Variants in ESRRG observed in about 807,000 individuals in gnomAD.
The protein encoded by ESRRG is estrogen related receptor gamma.
Under a neutral mutation model 44.0 loss-of-function variants are expected in ESRRG, and 13 were observed. The ratio of observed to expected loss-of-function variants is 0.30; its 90% CI spans 0.19 to 0.47. ESRRG has a LOEUF of 0.47. Among genes scored for constraint, ESRRG ranks in the 20% least tolerant of loss-of-function variants. The pLI is 1.00. For missense variants in ESRRG, 395 were observed against 580.6 expected (o/e 0.68, Z 3.29); for synonymous variants, 215 against 214.6 (o/e 1.00, Z -0.02).
At chr1:216,836,999 C>A (rs1367962268) in intron 2 of ESRRG, among the ~76,000 whole-genome samples, 2 of 152,078 alleles carry the variant, frequency 1.3e-5, no homozygotes, top group Admixed American at 1.3e-4. Flanking sequence ...TGCTTCCAAG[C>A]TTTAGTACTG....
chr1:217,097,853 A>AAG (rs2092447274), intron 1 of ESRRG, among the ~76,000 whole-genome samples: 2 of 151,690 alleles, frequency 1.3e-5, no homozygotes, highest in Admixed American at 1.3e-4. Flanking sequence ...TAAAAAAAAA[A>AAG]AAAAAAAGAT....
intron 2 of ESRRG, among the ~76,000 whole-genome samples, chr1:216,799,303 T>C (rs1022682683): frequency 1.3e-5 from 2 of 152,174 alleles, no homozygotes; most frequent in Admixed American, 6.6e-5. Flanking sequence ...CTACTATTTC[T>C]GTTGGTTTCA....
intron 1 of ESRRG, among the ~76,000 whole-genome samples, chr1:217,027,010 A>G (rs940629486): frequency 7.3e-5 from 11 of 150,732 alleles, no homozygotes. Flanking sequence ...ACTATGTAAG[A>G]CTCCTTTTCC....
At chr1:217,045,909 T>A (rs35409092) in intron 1 of ESRRG, among the ~76,000 whole-genome samples, 23,458 of 152,168 alleles carry the variant, frequency 0.15, 2,366 homozygotes, top group East Asian at 0.2. Flanking sequence ...TCTTTAGGAT[T>A]TTTTAAGTAT....
chr1:216,586,257 A>G (rs891866426), intron 3 of ESRRG, among the ~76,000 whole-genome samples: 2 of 152,178 alleles, frequency 1.3e-5, no homozygotes, highest in African/African-American at 4.8e-5. Flanking sequence ...CTTTACCAAA[A>G]CAAATTTTAG....
At position 216,875,679 on chromosome 1, in the gene ESRRG, A is replaced by G. The variant is rs949416367; in HGVS notation, c.-14+63903T>C. 3.3e-5 allele frequency among the ~76,000 whole-genome samples: 5 copies of G among 151,990 alleles called. No homozygotes were observed. In the South Asian group the frequency reaches 8.3e-4, roughly 25 times the overall value. On this transcript the variant is annotated intron_variant, in intron 2 of 7. Transcript: ENST00000359162. ...TTATTACTTCATTCTCATGTTGATG[A>G]AAATTTGGGTTTGTTCCAGCGTTTT... is the stretch of plus-strand genomic sequence containing the variant.
At chr1:216,620,675 A>G (rs1318905231) in intron 3 of ESRRG, among the ~76,000 whole-genome samples, 1 of 152,202 alleles carries the variant, frequency 6.6e-6, no homozygotes, top group Non-Finnish European at 1.5e-5. Flanking sequence ...AGTCATTTAT[A>G]TGTGACCCAG....
intron 1 of ESRRG, among the ~76,000 whole-genome samples, chr1:217,113,113 G>C (rs1166330): frequency 0.93 from 141,659 of 152,278 alleles, 66,097 homozygotes; most frequent in East Asian, 1. Context: ...TGAAAAGAGG[G>C]CAGACTGTTT....
upstream of ESRRG, among the ~76,000 whole-genome samples, chr1:217,091,793 G>A (rs1015417412): frequency 3.9e-5 from 6 of 152,172 alleles, no homozygotes; most frequent in African/African-American, 7.2e-5. Context: ...TACTATAGGC[G>A]TTATTGGTAA....
intron 1 of ESRRG, among the ~76,000 whole-genome samples, chr1:216,702,263 T>A (rs918541830): frequency 6.6e-6 from 1 of 152,104 alleles, no homozygotes; most frequent in African/African-American, 2.4e-5. Flanking sequence ...AACATCCAGA[T>A]TATAGATTCT....
intron 2 of ESRRG, among the ~76,000 whole-genome samples, chr1:216,833,504 G>C (rs1389835234): frequency 1.3e-5 from 2 of 152,154 alleles, no homozygotes; most frequent in Non-Finnish European, 2.9e-5. Context: ...CTTCTAGGTA[G>C]TTTGGTCCTT....
At chr1:216,838,474 G>A (rs533187750) in intron 2 of ESRRG, among the ~76,000 whole-genome samples, 18 of 152,144 alleles carry the variant, frequency 1.2e-4, no homozygotes, top group African/African-American at 3.9e-4. Flanking sequence ...GGGACACATG[G>A]GTAAGACATT....
intron 1 of ESRRG, among the ~76,000 whole-genome samples, chr1:216,688,763 A>T (rs1395344505): frequency 6.6e-6 from 1 of 152,160 alleles, no homozygotes; most frequent in Non-Finnish European, 1.5e-5. Context: ...ATAAAATACA[A>T]TTTTTGTCAA....
intron 2 of ESRRG, among the ~76,000 whole-genome samples, chr1:216,837,966 A>G (rs182728825): frequency 6.6e-6 from 1 of 152,312 alleles, no homozygotes; most frequent in African/African-American, 2.4e-5. Context: ...CAAAATATGG[A>G]TATAAATGAA....
At chr1:216,991,898 T>C (rs960423307) in intron 1 of ESRRG, among the ~76,000 whole-genome samples, 2 of 152,220 alleles carry the variant, frequency 1.3e-5, no homozygotes, top group African/African-American at 4.8e-5. Flanking sequence ...GCAACATATG[T>C]ATGTGTGTCT....
chr1:216,832,772 TG>T (rs2095506411), intron 2 of ESRRG, among the ~76,000 whole-genome samples: 1 of 152,160 alleles, frequency 6.6e-6, no homozygotes. Context: ...GAGACCAGCC[TG>T]GCCAACATGG....
chr1:216,825,933 A>G (rs1474778301), intron 2 of ESRRG, among the ~76,000 whole-genome samples: 1 of 152,102 alleles, frequency 6.6e-6, no homozygotes, highest in African/African-American at 2.4e-5. Context: ...AAACCTCCCA[A>G]CCAATGAAGT....
In ESRRG at chr1:217,126,449, G is replaced by A. The variant is rs573244514; in HGVS notation, c.-230+11218C>T. On this transcript the variant is annotated intron_variant, in intron 1 of 8. Coordinates refer to the ESRRG transcript ENST00000366940. ...TAGATAAAATGCCTGAACCAACTGT[G>A]CTGTATACACCCATGCCATAAGCCT... 5.3e-5 allele frequency among the ~76,000 whole-genome samples: 8 copies of A among 152,200 alleles called. No homozygotes were observed. The East Asian group carries it at 1.5e-3, about 29-fold the overall frequency.
rs568398072 is a variant in ESRRG at position 216,702,142 on chromosome 1, C to G, written c.56+21102G>C. ...ATCTCCTTGACAAATTATAATATCT[C>G]CCTTTTAAAATTTCTTACATATAGT... On this transcript the variant is annotated intron_variant, in intron 1 of 6. Coordinates refer to ENST00000408911, the MANE Select transcript of ESRRG (RefSeq NM_001438.4). 5.3e-5 allele frequency among the ~76,000 whole-genome samples: 8 copies of G among 152,220 alleles called. No individual in the cohort carries two copies. In the South Asian group the frequency reaches 1.7e-3, roughly 32 times the overall value.
Sources: allele counts gnomAD v4.1 joint callset (sites outside exome capture counted in the v4.1 genomes callset), GRCh38; gene constraint gnomAD v4.1.1; transcripts MANE v1.5; gene names NCBI Gene and HGNC (gene_info 2026-07-23, HGNC 2026-07-21).